CCDC171: variants seen among roughly 807,000 people sequenced by gnomAD.
CCDC171 encodes coiled-coil domain containing 171.
A neutral mutation model predicts 168.2 loss-of-function variants in CCDC171; 177 were observed. The observed-to-expected ratio is 1.05, with a 90% CI of 0.93 to 1.19. The LOEUF (loss-of-function observed/expected upper bound fraction) is 1.19. Among genes scored for constraint, CCDC171 ranks in the 50% most tolerant of loss-of-function variants. CCDC171 has a pLI of 0.00. For missense variants in CCDC171, 1,991 were observed against 1,539.0 expected, an observed-to-expected ratio of 1.29 and a Z score of -4.91; for synonymous variants, 687 against 540.8, an observed-to-expected ratio of 1.27 and a Z score of -3.75.
chr9:15,958,862 C>G (rs1830076315), intron 25 of CCDC171, among the ~76,000 whole-genome samples: 1 of 152,058 alleles, frequency 6.6e-6, no homozygotes, highest in African/African-American at 2.4e-5. Context: ...AATTAGTATA[C>G]CGAAATCACA....
chr9:15,557,921 T>A (rs1242057893), intron 1 of CCDC171, among the ~76,000 whole-genome samples: 5 of 152,146 alleles, frequency 3.3e-5, no homozygotes, highest in Non-Finnish European at 7.4e-5. Flanking sequence ...CATCAATACC[T>A]AATTTATTGA....
intron 18 of CCDC171, among the ~76,000 whole-genome samples, chr9:15,765,445 T>G (rs970340871): frequency 4.6e-5 from 7 of 152,244 alleles, no homozygotes; most frequent in Non-Finnish European, 1.0e-4. Context: ...TGGGATCCAA[T>G]GCACAGAAGT....
intron 18 of CCDC171, among the ~76,000 whole-genome samples, chr9:15,768,923 A>G (rs2056871816): frequency 6.6e-6 from 1 of 152,188 alleles, no homozygotes; most frequent in African/African-American, 2.4e-5. Flanking sequence ...TTAACACTTT[A>G]GCTAGATAAA....
At chr9:15,658,252 A>G (rs950546534) in intron 8 of CCDC171, among the ~76,000 whole-genome samples, 1 of 152,222 alleles carries the variant, frequency 6.6e-6, no homozygotes, top group African/African-American at 2.4e-5. Context: ...TTTCGTGCTA[A>G]GAAACTTAGA....
At chr9:15,681,969 C>G (rs1392496469) in intron 10 of CCDC171, among the ~76,000 whole-genome samples, 1 of 151,962 alleles carries the variant, frequency 6.6e-6, no homozygotes, top group East Asian at 1.9e-4. Context: ...ATTTTACAGA[C>G]TATGGATGGG....
chr9:15,799,726 G>GT (rs934076937), intron 21 of CCDC171, among the ~76,000 whole-genome samples: 2 of 151,246 alleles, frequency 1.3e-5, no homozygotes, highest in African/African-American at 4.8e-5. Context: ...CTTTCTCTCT[G>GT]TTTTTTTTGC....
chr9:15,963,046 C>G (rs1830493405), intron 25 of CCDC171, among the ~76,000 whole-genome samples: 1 of 152,052 alleles, frequency 6.6e-6, no homozygotes, highest in African/African-American at 2.4e-5. Context: ...ACTTAAGTAG[C>G]CCTCTGTTCA....
intron 24 of CCDC171, among the ~76,000 whole-genome samples, chr9:15,876,299 T>C (rs1454814113): frequency 1.3e-5 from 2 of 152,084 alleles, no homozygotes; most frequent in Non-Finnish European, 2.9e-5. Context: ...AGTTGGAAAA[T>C]TAGGAGACAT....
At chr9:15,848,992 C>A (rs1297149412) in intron 23 of CCDC171, 45 bp downstream of exon 23, 1 of 961,776 alleles carries the variant, frequency 1.0e-6, no homozygotes, top group Non-Finnish European at 1.5e-6. Context: ...TGTCATGACA[C>A]CTAGTCATTA....
In CCDC171 at chr9:15,569,785, A is replaced by G. The variant is rs569037718; in HGVS notation, c.42-1839A>G. On this transcript the variant is annotated intron_variant, in intron 2 of 25. Coordinates refer to ENST00000380701, the MANE Select transcript of CCDC171 (RefSeq NM_173550.4). Reference sequence around the variant, plus strand: ...AGCCGAGATCGTGCCACTGCACTCCAGCCTGGGCGACAGAGCGAGACTCCG... The same window carrying G: ...AGCCGAGATCGTGCCACTGCACTCCGGCCTGGGCGACAGAGCGAGACTCCG... 4.6e-5 allele frequency among the ~76,000 whole-genome samples: 7 copies of G among 151,770 alleles called. No homozygotes were observed. The South Asian group carries it at 1.5e-3, about 32-fold the overall frequency.
At chr9:16,081,703 T>C in the CCDC171 span, among the ~76,000 whole-genome samples, 13 of 152,298 alleles carry the variant, frequency 8.5e-5, no homozygotes, top group Non-Finnish European at 1.5e-4. Flanking sequence ...CACATCTTAA[T>C]TGACACAGAA....
At chr9:15,553,629 C>T (rs2038521657) in intron 1 of CCDC171, 1 of 152,230 alleles carries the variant, frequency 6.6e-6, no homozygotes, top group Non-Finnish European at 1.5e-5. Flanking sequence ...AGGATAGGGA[C>T]CACGTCTTTC....
chr9:15,774,105 G>A (rs1015681746), intron 18 of CCDC171, among the ~76,000 whole-genome samples: 1 of 151,782 alleles, frequency 6.6e-6, no homozygotes, highest in South Asian at 2.1e-4. Flanking sequence ...AATTAGCTGG[G>A]TGTGGTGGTG....
At chr9:15,906,878 AACAG>A (rs1043957549) in intron 24 of CCDC171, among the ~76,000 whole-genome samples, 2 of 152,076 alleles carry the variant, frequency 1.3e-5, no homozygotes, top group African/African-American at 4.8e-5. Context: ...ATACACCAAT[AACAG>A]ACAAGCAGAC....
intron 24 of CCDC171, among the ~76,000 whole-genome samples, chr9:15,896,667 C>G (rs1369896314): frequency 3.9e-5 from 6 of 152,048 alleles, no homozygotes; most frequent in African/African-American, 1.4e-4. Flanking sequence ...ATTTGCTATC[C>G]TTATCAATGT....
In CCDC171 at chr9:15,695,342, G is replaced by A. The variant is rs780511046; in HGVS notation, c.1318+5G>A. On this transcript the variant is annotated splice_donor_5th_base_variant and intron_variant, in intron 11 of 25. Coordinates refer to ENST00000380701, the MANE Select transcript of CCDC171 (RefSeq NM_173550.4). ...TGTCGGGCCAGTGGACATCAGGTTA[G>A]TTGAAGGTATAAAATGACAGATGCA... 28 of 1,608,470 alleles carry A rather than the reference G, an allele frequency of 1.7e-5. No individual in the cohort carries two copies. Among genetic ancestry groups the A allele is most frequent in the Middle Eastern group, 1.6e-4 (1 of 6,068 alleles).
intron 21 of CCDC171, among the ~76,000 whole-genome samples, chr9:15,809,929 T>TTGGTCCGTTTTACAGAGAGCTGA (rs2059262198): frequency 6.6e-6 from 1 of 151,888 alleles, no homozygotes; most frequent in Non-Finnish European, 1.5e-5. Context: ...CAGAGAGCTG[T>TTGGTCCGTTTTACAGAGAGCTGA]TTGGTCCGTT....
chr9:16,054,753 G>T (rs1214416297), intron 1 of CCDC171, among the ~76,000 whole-genome samples: 1 of 152,202 alleles, frequency 6.6e-6, no homozygotes, highest in Non-Finnish European at 1.5e-5. Flanking sequence ...ATCACTGCAG[G>T]TCAGAGCTTC....
intron 25 of CCDC171, among the ~76,000 whole-genome samples, chr9:15,931,956 TTA>T (rs1302515428): frequency 6.6e-6 from 1 of 151,812 alleles, no homozygotes; most frequent in African/African-American, 2.4e-5. Flanking sequence ...TTGCATTGGT[TTA>T]TGTGTCTGTT....
Sources: allele counts gnomAD v4.1 joint callset (sites outside exome capture counted in the v4.1 genomes callset), GRCh38; gene constraint gnomAD v4.1.1; transcripts MANE v1.5; gene names NCBI Gene and HGNC (gene_info 2026-07-23, HGNC 2026-07-21).